FHIT: variants seen among roughly 807,000 people sequenced by gnomAD.
The protein encoded by FHIT is fragile histidine triad diadenosine triphosphatase.
FHIT carries 19 observed loss-of-function variants against 17.9 expected under a neutral mutation model. That is an observed-to-expected ratio of 1.06 (90% CI 0.74 to 1.56). The LOEUF is 1.56. Ranked by LOEUF, FHIT falls within the 40% of genes most tolerant of loss-of-function variation. The pLI, the probability that FHIT is intolerant of heterozygous loss-of-function variation, is 0.00. For synonymous variants in FHIT, 81 were observed against 69.7 expected (o/e 1.16, Z -0.81); for missense variants, 248 against 189.2 (o/e 1.31, Z -1.82).
chr3:59,947,722 T>C (rs1706885799), intron 7 of FHIT, among the ~76,000 whole-genome samples: 1 of 152,112 alleles, frequency 6.6e-6, no homozygotes, highest in Non-Finnish European at 1.5e-5. Flanking sequence ...TGGAGGGGCA[T>C]AGGTGTTCCC....
At chr3:60,263,190 A>T (rs978527929) in intron 5 of FHIT, among the ~76,000 whole-genome samples, 16 of 152,004 alleles carry the variant, frequency 1.1e-4, no homozygotes, top group Admixed American at 2.6e-4. Flanking sequence ...AAAAAGACTG[A>T]CAATATCAAG....
intron 5 of FHIT, among the ~76,000 whole-genome samples, chr3:60,133,919 G>A (rs1286780484): frequency 6.6e-6 from 1 of 151,228 alleles, no homozygotes; most frequent in Non-Finnish European, 1.5e-5. Context: ...TGTAGAGCTT[G>A]TCATTCAATC....
At chr3:61,091,759 A>G (rs2035489041) in intron 2 of FHIT, among the ~76,000 whole-genome samples, 1 of 151,582 alleles carries the variant, frequency 6.6e-6, no homozygotes, top group African/African-American at 2.4e-5. Flanking sequence ...ACGAGCCTGG[A>G]CACCATGGCA....
intron 5 of FHIT, among the ~76,000 whole-genome samples, chr3:60,180,247 A>G (rs1576263322): frequency 6.6e-6 from 1 of 152,358 alleles, no homozygotes; most frequent in African/African-American, 2.4e-5. Context: ...TTTTAAATGA[A>G]AAGTAGAAAA....
At chr3:59,904,188 A>G (rs1704473128) in intron 8 of FHIT, among the ~76,000 whole-genome samples, 1 of 149,068 alleles carries the variant, frequency 6.7e-6, no homozygotes, top group Admixed American at 6.8e-5. Context: ...CTTCATCAAC[A>G]CCTAACAAAA....
At chr3:60,495,229 T>C (rs1414024640) in intron 5 of FHIT, among the ~76,000 whole-genome samples, 1 of 151,698 alleles carries the variant, frequency 6.6e-6, no homozygotes, top group African/African-American at 2.4e-5. Flanking sequence ...ATGAAGGATG[T>C]TGAGCACCTT....
intron 3 of FHIT, among the ~76,000 whole-genome samples, chr3:61,020,549 C>A (rs1043477698): frequency 2.6e-5 from 4 of 152,076 alleles, no homozygotes; most frequent in Admixed American, 6.6e-5. Flanking sequence ...AACTGGTATA[C>A]CATCCACTGC....
intron 5 of FHIT, among the ~76,000 whole-genome samples, chr3:60,350,717 A>G (rs1267236007): frequency 1.3e-5 from 2 of 152,066 alleles, no homozygotes; most frequent in African/African-American, 4.8e-5. Context: ...TTGGTCTAAG[A>G]TAAGCGTGAT....
chr3:60,785,728 T>C (rs1553726696), intron 4 of FHIT, among the ~76,000 whole-genome samples: 1 of 152,180 alleles, frequency 6.6e-6, no homozygotes. Flanking sequence ...GGGCAGTAAG[T>C]GATTTCAATT....
intron 5 of FHIT, among the ~76,000 whole-genome samples, chr3:60,388,586 GA>G (rs1701104983): frequency 6.6e-6 from 1 of 152,106 alleles, no homozygotes. Flanking sequence ...GGGTGATAGA[GA>G]CCCAATCTCC....
chr3:60,074,957 G>A (rs1702940084), intron 5 of FHIT, among the ~76,000 whole-genome samples: 1 of 152,014 alleles, frequency 6.6e-6, no homozygotes, highest in Non-Finnish European at 1.5e-5. Flanking sequence ...ATGAAGCAAT[G>A]AAAACGAATG....
intron 4 of FHIT, among the ~76,000 whole-genome samples, chr3:60,731,525 G>C (rs1306960185): frequency 6.6e-6 from 1 of 152,178 alleles, no homozygotes; most frequent in Non-Finnish European, 1.5e-5. Flanking sequence ...CATGGAGTGG[G>C]CTGTTCACGT....
intron 5 of FHIT, among the ~76,000 whole-genome samples, chr3:60,390,504 G>C (rs1030774472): frequency 7.6e-4 from 112 of 148,034 alleles, no homozygotes; most frequent in Non-Finnish European, 1.4e-3. Context: ...TTATAAAAGA[G>C]AAATAAAAAT....
intron 4 of FHIT, among the ~76,000 whole-genome samples, chr3:60,805,094 A>T (rs988262018): frequency 3.3e-5 from 5 of 152,226 alleles, no homozygotes; most frequent in Admixed American, 6.5e-5. Flanking sequence ...TACTATGGTT[A>T]TGCTGGGCAT....
chr3:60,413,323 G>C (rs1230803145), intron 5 of FHIT, among the ~76,000 whole-genome samples: 2 of 152,106 alleles, frequency 1.3e-5, no homozygotes, highest in African/African-American at 4.8e-5. Context: ...TAGACATGGA[G>C]TTAGGGTGAG....
chr3:60,640,725 T>A (rs368703756), intron 4 of FHIT, among the ~76,000 whole-genome samples: 1 of 152,146 alleles, frequency 6.6e-6, no homozygotes, highest in African/African-American at 2.4e-5. Flanking sequence ...AGGAAATGAA[T>A]GAAAATCAAA....
At chr3:60,256,803 T>C (rs191146521) in intron 5 of FHIT, among the ~76,000 whole-genome samples, 22 of 152,310 alleles carry the variant, frequency 1.4e-4, no homozygotes, top group African/African-American at 5.3e-4. Context: ...TTAATATCTC[T>C]AGTTTCTTTC....
intron 4 of FHIT, chr3:60,690,566 A>C: frequency 1.8e-6 from 1 of 548,460 alleles, no homozygotes; most frequent in Non-Finnish European, 3.7e-6. Flanking sequence ...CTGTGAAAGC[A>C]GTAACCCTCA....
chr3:60,920,144 G>A (rs1553768019), intron 3 of FHIT, among the ~76,000 whole-genome samples: 1 of 152,132 alleles, frequency 6.6e-6, no homozygotes, highest in Admixed American at 6.6e-5. Context: ...TAAAATGGGA[G>A]ATAATAACAG....
Sources: allele counts gnomAD v4.1 joint callset (sites outside exome capture counted in the v4.1 genomes callset), GRCh38; gene constraint gnomAD v4.1.1; transcripts MANE v1.5; gene names NCBI Gene and HGNC (gene_info 2026-07-23, HGNC 2026-07-21).